The following MCTP2 variants were observed in gnomAD, a reference collection of about 807,000 sequenced individuals.
MCTP2 encodes multiple C2 and transmembrane domain containing 2.
MCTP2 carries 132 observed loss-of-function variants against 111.6 expected under a neutral mutation model. The ratio of observed to expected loss-of-function variants is 1.18; its 90% CI spans 1.03 to 1.37. MCTP2 has a LOEUF of 1.37. Among genes scored for constraint, MCTP2 ranks in the 40% most tolerant of loss-of-function variants. The pLI is 0.00. For synonymous variants in MCTP2, 395 were observed against 387.7 expected (o/e 1.02, Z -0.22); for missense variants, 1,183 against 1,067.9 (o/e 1.11, Z -1.50).
chr15:94,439,441 A>G lies in MCTP2; in HGVS notation c.2086-735A>G, dbSNP rs111251452. Among the ~76,000 whole-genome samples, 1,083 of 152,282 alleles carry G rather than the reference A, an allele frequency of 7.1e-3. 11 individuals carry two copies. The highest frequency in any genetic ancestry group is 0.025 in the African/African-American group (1,035 of 41,558). The stretch of plus-strand genomic sequence containing the variant: ...TCAAATTTTGAAGTAATTTACCCAA[A>G]ATTTCACTCCTGCCTCATGTTATAA... On this transcript the variant is annotated intron_variant, in intron 17 of 22. Coordinates refer to ENST00000357742, the MANE Select transcript of MCTP2 (RefSeq NM_001385001.1).
chr15:94,300,004 A>T (rs932175717), intron 2 of MCTP2, among the ~76,000 whole-genome samples: 1 of 152,208 alleles, frequency 6.6e-6, no homozygotes, highest in Non-Finnish European at 1.5e-5. Context: ...TTTGAAATAC[A>T]TGTTTCTTTT....
intron 10 of MCTP2, among the ~76,000 whole-genome samples, chr15:94,360,365 A>G (rs2078863943): frequency 1.3e-5 from 2 of 152,122 alleles, no homozygotes; most frequent in African/African-American, 4.8e-5. Flanking sequence ...CTCCACACAT[A>G]CAGGGTGACT....
intron 3 of MCTP2, chr15:94,314,608 T>C (rs899344752): frequency 2.9e-5 from 15 of 525,054 alleles, no homozygotes; most frequent in South Asian, 1.8e-4. Context: ...TAAAGCCAGT[T>C]TGAAGTGCTT....
intron 2 of MCTP2, among the ~76,000 whole-genome samples, chr15:94,310,945 A>G (rs2076099916): frequency 6.6e-6 from 1 of 151,682 alleles, no homozygotes; most frequent in African/African-American, 2.4e-5. Flanking sequence ...TTGTCTCAAA[A>G]ACAAACAAAC....
At chr15:94,442,981 A>G (rs1301974999) in intron 19 of MCTP2, 21 bp downstream of exon 19, 1 of 1,610,452 alleles carries the variant, frequency 6.2e-7, no homozygotes, top group Non-Finnish European at 8.5e-7. Flanking sequence ...TCAAGAAAGA[A>G]CACACACAAA....
intron 1 of MCTP2, among the ~76,000 whole-genome samples, chr15:94,234,789 A>C (rs1051066303): frequency 3.3e-5 from 5 of 152,224 alleles, no homozygotes; most frequent in Non-Finnish European, 7.3e-5. Flanking sequence ...CCTGATTGTC[A>C]AGAACTCCCA....
In MCTP2 at chr15:94,481,828, G is replaced by A. The variant is rs1326003242; in HGVS notation, c.*2794G>A. ...CATGTTTAACAGGCCAGGTCGTAGA[G>A]ATTATTTTTCTTTCTCTGCCTTTTC... On this transcript the variant is annotated 3_prime_UTR_variant, in exon 23 of 23. Coordinates refer to ENST00000357742, the MANE Select transcript of MCTP2 (RefSeq NM_001385001.1). 1.3e-5 allele frequency: 2 copies of A among 152,260 alleles called. No individual in the cohort carries two copies. Among genetic ancestry groups the A allele is most frequent in the Non-Finnish European group, 2.9e-5 (2 of 68,066 alleles). The allele number at this position is 152,260 out of a possible 1,614,324, so 9.4% of individuals were successfully genotyped here.
intron 20 of MCTP2, among the ~76,000 whole-genome samples, chr15:94,467,582 C>T (rs557766047): frequency 2.4e-4 from 36 of 152,024 alleles, no homozygotes; most frequent in African/African-American, 7.0e-4. Flanking sequence ...TTTAAAGCTG[C>T]GTAGCGTTGC....
intron 1 of MCTP2, among the ~76,000 whole-genome samples, chr15:94,236,515 G>A (rs1045497675): frequency 6.7e-6 from 1 of 150,162 alleles, no homozygotes; most frequent in Non-Finnish European, 1.5e-5. Context: ...ATAAACCTAA[G>A]GTTGCTGTGC....
intron 2 of MCTP2, among the ~76,000 whole-genome samples, chr15:94,300,152 A>G (rs16948884): frequency 0.013 from 1,934 of 152,114 alleles, 38 homozygotes; most frequent in African/African-American, 0.044. Context: ...GCTTTGATAT[A>G]CTAACATTTT....
Position 94,480,249 on chromosome 15 carries a change from G to A in MCTP2, c.*1215G>A, listed in dbSNP as rs1260027280. The A allele has an allele frequency of 1.3e-5, 2 of 151,580 alleles. No individual in the cohort carries two copies. Among genetic ancestry groups the A allele is most frequent in the Non-Finnish European group, 2.9e-5 (2 of 67,940 alleles). The allele number at this position is 151,580 out of a possible 1,614,324, so 9.4% of individuals were successfully genotyped here. On this transcript the variant is annotated 3_prime_UTR_variant, in exon 23 of 23. Transcript: ENST00000357742. ...TGTATTTTGTTGACACATACTTTGTGCAGTTTTTATGTATGTATGTATTAT... is the reference window on the plus strand; with the variant it reads ...TGTATTTTGTTGACACATACTTTGTACAGTTTTTATGTATGTATGTATTAT...
intron 14 of MCTP2, among the ~76,000 whole-genome samples, chr15:94,395,316 A>G (rs1407789434): frequency 6.6e-6 from 1 of 152,214 alleles, no homozygotes; most frequent in Non-Finnish European, 1.5e-5. Flanking sequence ...TATACGCAAC[A>G]TCCTCAGTTT....
intron 17 of MCTP2, among the ~76,000 whole-genome samples, chr15:94,436,084 A>G (rs181431079): frequency 4.6e-5 from 7 of 152,282 alleles, no homozygotes; most frequent in East Asian, 3.9e-4. Context: ...CGGCATTCAC[A>G]TACTGAATGT....
At chr15:94,371,366 G>A (rs1043519001) in intron 12 of MCTP2, among the ~76,000 whole-genome samples, 1 of 152,110 alleles carries the variant, frequency 6.6e-6, no homozygotes, top group Non-Finnish European at 1.5e-5. Context: ...TATATTTTAT[G>A]AAAACAGTCA....
chr15:94,250,178 A>G (rs898642082), intron 1 of MCTP2, among the ~76,000 whole-genome samples: 4 of 152,326 alleles, frequency 2.6e-5, no homozygotes, highest in African/African-American at 4.8e-5. Context: ...AGGTGACTAC[A>G]TAGCATTGGA....
chr15:94,275,844 A>ATTT (rs35006187), intron 1 of MCTP2, among the ~76,000 whole-genome samples: 14 of 131,518 alleles, frequency 1.1e-4, no homozygotes, highest in East Asian at 2.2e-4. Context: ...TTTTATAAGC[A>ATTT]TTTTTTTTTT....
chr15:94,431,830 G>A (rs2083198913), intron 17 of MCTP2, among the ~76,000 whole-genome samples: 2 of 151,980 alleles, frequency 1.3e-5, no homozygotes, highest in South Asian at 4.1e-4. Flanking sequence ...CATAAAGATG[G>A]TATGATTATT....
At position 94,339,302 on chromosome 15, in the gene MCTP2, C is replaced by A; in HGVS notation, c.650C>A (p.Pro217His). ...VVRDRCGTSD[P>H]YVKFKLNGKT... ...TTTCCTTTTAAAGGCACAAGTGATC[C>A]TTATGTGAAATTTAAGCTGAATGGG... Residue 217 changes from proline (P) to histidine (H), a missense_variant, in exon 5 of 23, where the codon CCT (proline) becomes CAT (histidine). Transcript: ENST00000357742. 6.2e-7 allele frequency: 1 copy of A among 1,603,388 alleles called. No homozygotes were observed. Among genetic ancestry groups the A allele is most frequent in the Non-Finnish European group, 8.5e-7 (1 of 1,175,694 alleles).
At position 94,339,415 on chromosome 15, in the gene MCTP2, C is replaced by A; in HGVS notation, c.763C>A (p.Gln255Lys). The A allele has an allele frequency of 6.2e-7, 1 of 1,603,752 alleles. No homozygotes were observed. The highest frequency in any genetic ancestry group is 1.1e-5 in the South Asian group (1 of 89,566). The part of the protein sequence containing the change: ...IVVLPIQSLD[Q>K]KLRVKVYDRD... ...TGTATTGCCAATCCAAAGCCTTGAT[C>A]AAAAGCTACGTGTGAAGGTAATCAC... Residue 255 changes from glutamine (Q) to lysine (K), a missense_variant, in exon 5 of 23, where the codon CAA becomes AAA. Gln to Lys is a moderately conservative substitution (Grantham distance 53). Coordinates refer to ENST00000357742, the MANE Select transcript of MCTP2 (RefSeq NM_001385001.1).
Sources: gnomAD v4.1 joint callset for allele counts (sites outside exome capture counted in the v4.1 genomes callset) on GRCh38, gnomAD v4.1.1 for gene constraint, MANE v1.5 for transcripts, NCBI Gene and HGNC (gene_info 2026-07-23, HGNC 2026-07-21) for gene names.